ABL2: variants seen among roughly 807,000 people sequenced by gnomAD.
ABL2 encodes the protein ABL proto-oncogene 2, non-receptor tyrosine kinase, also known as tyrosine-protein kinase ABL2.
In ABL2, 49 loss-of-function variants were observed where a neutral mutation model predicts 107.7. That is an observed-to-expected ratio of 0.45 (90% CI 0.36 to 0.58). The LOEUF is 0.58. Ranked by LOEUF, ABL2 falls within the 20% of genes least tolerant of loss-of-function variation. ABL2 has a pLI of 0.00. For synonymous variants in ABL2, 549 were observed against 548.6 expected (o/e 1.00, Z -0.01); for missense variants, 1,245 against 1,457.0 (o/e 0.85, Z 2.37).
Position 179,107,984 on chromosome 1 carries a change from G to A in ABL2, c.3283C>T (p.Leu1095=). ...SKEALLECAD[L]LSSALTEPVP... is the part of the protein sequence containing the mutation. ...GGTTCCGTGAGTGCACTGGACAGTAGGTCAGCACATTCCAGCAGGGCCTCT... is the reference window on the plus strand; with the variant it reads ...GGTTCCGTGAGTGCACTGGACAGTAAGTCAGCACATTCCAGCAGGGCCTCT... The change falls in exon 12 of 12, where the codon CTA becomes TTA. Residue 1095 remains leucine, a synonymous_variant. Coordinates refer to ENST00000502732, the MANE Select transcript of ABL2 (RefSeq NM_007314.4). The A allele has an allele frequency of 6.2e-7, 1 of 1,614,254 alleles. No individual in the cohort carries two copies. Among genetic ancestry groups the A allele is most frequent in the African/African-American group, 1.3e-5 (1 of 75,068 alleles).
intron 3 of ABL2, among the ~76,000 whole-genome samples, chr1:179,128,071 A>G (rs2793797): frequency 0.35 from 52,705 of 151,420 alleles, 9,598 homozygotes; most frequent in East Asian, 0.49. Flanking sequence ...GTATCAGGCA[A>G]AAGTTTTTAG....
chr1:179,220,820 G>A lies in ABL2; in HGVS notation c.157+8421C>T, dbSNP rs529204783. Reference sequence around the variant, plus strand: ...ATCAATCAAGAAGAACTTGCAGTTCGCAAGCTTCTGAGCTGCTGTGGATGG... The same window carrying A: ...ATCAATCAAGAAGAACTTGCAGTTCACAAGCTTCTGAGCTGCTGTGGATGG... On this transcript the variant is annotated intron_variant, in intron 1 of 11. Transcript: ENST00000502732. 5.8e-5 allele frequency: 9 copies of A among 156,176 alleles called. No individual in the cohort carries two copies. In the East Asian group the frequency reaches 1.3e-3, roughly 23 times the overall value. The allele number at this position is 156,176 out of a possible 1,614,324, so 9.7% of individuals were successfully genotyped here.
rs115010055 is a variant in ABL2 at position 179,203,092 on chromosome 1, G to A, written c.157+26149C>T. ...AAAGTGGGTATGGGGTTTGTTTTTA[G>A]TTTTTGCTTGATTTTTTCCCGTAAT... On this transcript the variant is annotated intron_variant, in intron 1 of 11. Transcript: ENST00000502732. Among the ~76,000 whole-genome samples, 801 of 152,196 alleles carry A rather than the reference G, an allele frequency of 5.3e-3. 7 individuals carry two copies. The highest frequency in any genetic ancestry group is 0.018 in the African/African-American group (758 of 41,548).
In ABL2 at chr1:179,229,643, G is replaced by A. The variant is rs1464227937; in HGVS notation, c.-246C>T. ...GCTCCGCGCCCCCAACGCCGCCGCCGCCGCCGCCGCCACCGCCGCCGCCAT... is the reference window on the plus strand; with the variant it reads ...GCTCCGCGCCCCCAACGCCGCCGCCACCGCCGCCGCCACCGCCGCCGCCAT... On this transcript the variant is annotated 5_prime_UTR_variant, in exon 1 of 12. Transcript: ENST00000502732. 1.4e-5 allele frequency: 7 copies of A among 496,712 alleles called. No homozygotes were observed. Among genetic ancestry groups the A allele is most frequent in the South Asian group, 5.9e-5 (2 of 34,064 alleles). The allele number at this position is 496,712 out of a possible 1,614,324, so 30.8% of individuals were successfully genotyped here. A position where few individuals can be genotyped will look rare whatever the true frequency, so the allele number is the denominator to read the frequency against.
chr1:179,120,950 T>A (rs546798856), intron 5 of ABL2, among the ~76,000 whole-genome samples: 33 of 152,322 alleles, frequency 2.2e-4, no homozygotes, highest in African/African-American at 6.5e-4. Context: ...TAGATCATAA[T>A]CTTCTTAGAG....
At chr1:179,120,901 G>A (rs923354470) in intron 5 of ABL2, among the ~76,000 whole-genome samples, 12 of 152,178 alleles carry the variant, frequency 7.9e-5, no homozygotes, top group Non-Finnish European at 1.5e-4. Context: ...TGAATGACGA[G>A]ACAGAGCACT....
chr1:179,215,908 T>C (rs909177670), intron 1 of ABL2, among the ~76,000 whole-genome samples: 1 of 152,230 alleles, frequency 6.6e-6, no homozygotes, highest in African/African-American at 2.4e-5. Flanking sequence ...AACTCAGTAC[T>C]GTTTTTTTAA....
intron 1 of ABL2, among the ~76,000 whole-genome samples, chr1:179,171,946 G>A (rs141682500): frequency 1.1e-3 from 169 of 152,180 alleles, no homozygotes; most frequent in Middle Eastern, 6.8e-3. Flanking sequence ...GGTCAAAGGC[G>A]TTTCTTATTT....
chr1:179,172,251 G>T (rs1048141517), intron 1 of ABL2, among the ~76,000 whole-genome samples: 1 of 152,186 alleles, frequency 6.6e-6, no homozygotes, highest in African/African-American at 2.4e-5. Flanking sequence ...TTGATTGGCA[G>T]GCACCCTCCT....
Position 179,109,286 on chromosome 1 carries a change from T to C in ABL2, c.1981A>G (p.Asn661Asp), listed in dbSNP as rs1261006075. ...CTGCGTTTGGGGGGTGTAGGAGCAT[T>C]TCTCTTCTTCATGAAGGAGCTGAAG... ...GFFSSFMKKR[N>D]APTPPKRSSS... Residue 661 changes from asparagine (N) to aspartate (D), a missense_variant, in exon 12 of 12, where the codon AAT becomes GAT. By Grantham distance (23) the Asn-to-Asp change is conservative. Transcript: ENST00000502732. 1.9e-6 allele frequency: 3 copies of C among 1,614,018 alleles called. No homozygotes were observed. Among genetic ancestry groups the C allele is most frequent in the Non-Finnish European group, 2.5e-6 (3 of 1,179,972 alleles).
In ABL2 at chr1:179,117,363, G is replaced by A. The variant is rs745963861; in HGVS notation, c.1377C>T (p.Tyr459=). Residue 459 remains tyrosine (Y), a synonymous_variant, in exon 8 of 12, where the codon TAC becomes TAT. Coordinates refer to ENST00000502732, the MANE Select transcript of ABL2 (RefSeq NM_007314.4). ...CGTCAGATTTAATTGAGAAGGTATT[G>A]TAGGCAAGACTCTCTGGTGCTGTCC... ...IKWTAPESLA[Y]NTFSIKSDVW... is the part of the protein sequence containing the mutation. 8 of 1,614,114 alleles carry A rather than the reference G, an allele frequency of 5.0e-6. No homozygotes were observed. In the Admixed American group the frequency reaches 5.0e-5, roughly 10 times the overall value.
rs1397636360 is a variant in ABL2 at position 179,103,136 on chromosome 1, T to C, written c.*4582A>G. The C allele has an allele frequency of 4.6e-6, 1 of 218,324 alleles. No individual in the cohort carries two copies. The highest frequency in any genetic ancestry group is 9.2e-6 in the Non-Finnish European group (1 of 108,772). The allele number at this position is 218,324 out of a possible 1,614,324, so 13.5% of individuals were successfully genotyped here. On this transcript the variant is annotated 3_prime_UTR_variant, in exon 12 of 12. Coordinates refer to ENST00000502732, the MANE Select transcript of ABL2 (RefSeq NM_007314.4). ...AAGAGCTTCTGTGTTCTGGAGTGAGTACACATTCTTACTTTTTAAAGATCG... is the reference window on the plus strand; with the variant it reads ...AAGAGCTTCTGTGTTCTGGAGTGAGCACACATTCTTACTTTTTAAAGATCG...
At chr1:179,193,715 G>C (rs1455719847) in intron 1 of ABL2, among the ~76,000 whole-genome samples, 3 of 150,780 alleles carry the variant, frequency 2.0e-5, no homozygotes, top group Non-Finnish European at 4.4e-5. Flanking sequence ...CTAATTTTTT[G>C]TTGCTGTTGT....
Position 179,101,598 on chromosome 1 carries a change from T to C in ABL2, c.*6120A>G, listed in dbSNP as rs1240721219. The C allele has an allele frequency of 1.2e-5, 2 of 173,898 alleles. No homozygotes were observed. Among genetic ancestry groups the C allele is most frequent in the African/African-American group, 4.7e-5 (2 of 42,116 alleles). 10.8% of individuals were successfully genotyped at this position (173,898 alleles called of 1,614,324 possible). On this transcript the variant is annotated 3_prime_UTR_variant, in exon 12 of 12. Transcript: ENST00000502732. ...GTTGGCCAGGCTGGTCTCAAACTCC[T>C]GACCTCAAGTGATCCGCCCATCTTG... is the stretch of plus-strand genomic sequence containing the variant.
At chr1:179,171,715 G>C (rs1013264125) in intron 1 of ABL2, among the ~76,000 whole-genome samples, 5 of 152,056 alleles carry the variant, frequency 3.3e-5, no homozygotes, top group African/African-American at 1.2e-4. Flanking sequence ...GTAGAGATGG[G>C]GTCTCACTCT....
At chr1:179,225,834 G>A (rs1162238729) in intron 1 of ABL2, among the ~76,000 whole-genome samples, 1 of 151,998 alleles carries the variant, frequency 6.6e-6, no homozygotes, top group African/African-American at 2.4e-5. Flanking sequence ...GAGGTCAGGA[G>A]ATCAAGACCA....
Position 179,117,364 on chromosome 1 carries a change from T to C in ABL2, c.1376A>G (p.Tyr459Cys). The change falls in exon 8 of 12, where the codon TAC becomes TGC. Residue 459 changes from tyrosine (Y) to cysteine (C), a missense_variant. Tyr to Cys is a radical substitution (Grantham distance 194). Transcript: ENST00000502732. ...GTCAGATTTAATTGAGAAGGTATTG[T>C]AGGCAAGACTCTCTGGTGCTGTCCA... ...IKWTAPESLA[Y>C]NTFSIKSDVW... is the part of the protein sequence containing the mutation. The C allele has an allele frequency of 6.2e-7, 1 of 1,614,158 alleles. No individual in the cohort carries two copies. Among genetic ancestry groups the C allele is most frequent in the Non-Finnish European group, 8.5e-7 (1 of 1,180,028 alleles).
At chr1:179,189,133 G>A (rs1229038860) in intron 1 of ABL2, among the ~76,000 whole-genome samples, 1 of 152,008 alleles carries the variant, frequency 6.6e-6, no homozygotes, top group Admixed American at 6.6e-5. Flanking sequence ...GTTTTTTGTT[G>A]TTGTTATTGT....
chr1:179,184,826 A>C (rs888552521), intron 1 of ABL2, among the ~76,000 whole-genome samples: 9 of 151,978 alleles, frequency 5.9e-5, no homozygotes, highest in Non-Finnish European at 1.0e-4. Flanking sequence ...ATACACCATG[A>C]TTCTCAACTT....
Sources: gnomAD v4.1 joint callset for allele counts (sites outside exome capture counted in the v4.1 genomes callset) on GRCh38, gnomAD v4.1.1 for gene constraint, MANE v1.5 for transcripts, NCBI Gene and HGNC (gene_info 2026-07-23, HGNC 2026-07-21) for gene names.